Variants in TMEM65 observed in about 807,000 individuals in gnomAD.
TMEM65 encodes transmembrane protein 65.
In TMEM65, 22 loss-of-function variants were observed where a neutral mutation model predicts 25.4. The observed-to-expected ratio is 0.86, with a 90% CI of 0.62 to 1.23. The LOEUF is 1.23. TMEM65 is among the 50% of genes most tolerant of loss of function. The probability of loss-of-function intolerance (pLI) is 0.00; values close to 1 mark genes in which losing one functional copy is unlikely to be tolerated. For missense variants in TMEM65, 262 were observed against 308.2 expected (o/e 0.85, Z 1.12); for synonymous variants, 132 against 126.2 (o/e 1.05, Z -0.31).
At chr8:124,353,468 AT>A (rs1458943106) in intron 1 of TMEM65, among the ~76,000 whole-genome samples, 2 of 152,188 alleles carry the variant, frequency 1.3e-5, no homozygotes, top group Non-Finnish European at 2.9e-5. Flanking sequence ...TATAAATAAT[AT>A]AGCTTTTATA....
chr8:124,344,362 C>G (rs757927166), intron 1 of TMEM65, among the ~76,000 whole-genome samples: 11 of 152,138 alleles, frequency 7.2e-5, no homozygotes, highest in Non-Finnish European at 1.6e-4. Context: ...TGGTAAAATA[C>G]TCCTTCCCTG....
chr8:124,368,219 G>A (rs988536972), intron 1 of TMEM65, among the ~76,000 whole-genome samples: 12 of 124,782 alleles, frequency 9.6e-5, no homozygotes, highest in Middle Eastern at 5.4e-3. Flanking sequence ...CTGTCACTTC[G>A]AAGACTGCGT....
rs1361233471 is a variant in TMEM65, at chr8:124,311,762, T to C, written c.*2198A>G. 1 of 152,172 alleles carries C rather than the reference T, an allele frequency of 6.6e-6. No homozygotes were observed. The highest frequency in any genetic ancestry group is 2.4e-5 in the African/African-American group (1 of 41,460). The allele number at this position is 152,172 out of a possible 1,614,324, so 9.4% of individuals were successfully genotyped here. On this transcript the variant is annotated 3_prime_UTR_variant, in exon 7 of 7. Coordinates refer to ENST00000297632, the MANE Select transcript of TMEM65 (RefSeq NM_194291.3). ...AGGGTAGACTATGATCTTAAACATA[T>C]ACCTTCAGTTAAAGACAAATGGTCT...
intron 6 of TMEM65, among the ~76,000 whole-genome samples, chr8:124,319,625 G>T (rs758449704): frequency 1.3e-4 from 20 of 151,884 alleles, no homozygotes; most frequent in Non-Finnish European, 2.6e-4. Flanking sequence ...AATCGGCTTA[G>T]ATCTAATAAT....
rs889446410 is a variant in TMEM65 at position 124,309,570 on chromosome 8, A to C, written c.*4390T>G. On this transcript the variant is annotated 3_prime_UTR_variant, in exon 7 of 7. Coordinates refer to ENST00000297632, the MANE Select transcript of TMEM65 (RefSeq NM_194291.3). ...TATTTCACATATCTGAGATTTTCTT[A>C]ACACCAACTTTCTAGTACCTAGCAT... The C allele has an allele frequency of 1.2e-4, 19 of 152,364 alleles. No individual in the cohort carries two copies. Among genetic ancestry groups the C allele is most frequent in the African/African-American group, 4.1e-4 (17 of 41,582 alleles). 9.4% of individuals were successfully genotyped at this position (152,364 alleles called of 1,614,324 possible).
At chr8:124,354,426 C>A (rs1395572831) in intron 1 of TMEM65, among the ~76,000 whole-genome samples, 1 of 152,110 alleles carries the variant, frequency 6.6e-6, no homozygotes, top group African/African-American at 2.4e-5. Context: ...CACAGTACTC[C>A]CGTTGCAGTG....
chr8:124,363,289 A>T (rs988403518), intron 1 of TMEM65, among the ~76,000 whole-genome samples: 3 of 152,192 alleles, frequency 2.0e-5, no homozygotes, highest in African/African-American at 7.2e-5. Context: ...TAGTTTATGG[A>T]TATGTTACTA....
At chr8:124,370,090 G>A (rs997558250) in intron 1 of TMEM65, among the ~76,000 whole-genome samples, 1 of 151,974 alleles carries the variant, frequency 6.6e-6, no homozygotes, top group African/African-American at 2.4e-5. Flanking sequence ...AAAGTGCTTA[G>A]GTCCTTTTCA....
chr8:124,350,165 A>T (rs1484320465), intron 1 of TMEM65, among the ~76,000 whole-genome samples: 3 of 151,372 alleles, frequency 2.0e-5, no homozygotes, highest in Non-Finnish European at 4.4e-5. Flanking sequence ...TGTGTGTAAA[A>T]ACACTATGCC....
chr8:124,336,667 A>G (rs183116655), intron 1 of TMEM65, among the ~76,000 whole-genome samples: 20 of 152,144 alleles, frequency 1.3e-4, no homozygotes, highest in Admixed American at 1.0e-3. Flanking sequence ...TGTAGAATGC[A>G]GCTAAATGAA....
intron 1 of TMEM65, among the ~76,000 whole-genome samples, chr8:124,337,375 AAAGCCTT>A: frequency 6.6e-6 from 1 of 152,146 alleles, no homozygotes; most frequent in East Asian, 1.9e-4. Context: ...CACAGAACAA[AAAGCCTT>A]AATGGCATAA....
intron 1 of TMEM65, among the ~76,000 whole-genome samples, chr8:124,335,329 C>G (rs1476310726): frequency 1.3e-5 from 2 of 152,116 alleles, no homozygotes; most frequent in Non-Finnish European, 2.9e-5. Flanking sequence ...TGTTAACAGT[C>G]AACCTGCGAT....
At chr8:124,363,186 CAA>C (rs1015073267) in intron 1 of TMEM65, among the ~76,000 whole-genome samples, 19 of 152,022 alleles carry the variant, frequency 1.2e-4, no homozygotes, top group Non-Finnish European at 1.8e-4. Flanking sequence ...TTGCAGCATC[CAA>C]GAGAGAGATA....
intron 2 of TMEM65, among the ~76,000 whole-genome samples, chr8:124,329,996 A>G (rs1814412191): frequency 6.6e-6 from 1 of 151,932 alleles, no homozygotes; most frequent in African/African-American, 2.4e-5. Context: ...ATAACTGGCC[A>G]TTAGGTTTTT....
Position 124,351,435 on chromosome 8 carries a change from A to G in TMEM65, c.304+20419T>C, listed in dbSNP as rs550774351. On this transcript the variant is annotated intron_variant, in intron 1 of 6. Coordinates refer to ENST00000297632, the MANE Select transcript of TMEM65 (RefSeq NM_194291.3). ...ATAGTAAAACTAATGTTTATTTAGT[A>G]TACTTTAAAACATTAGAAACGCTGA... Among the ~76,000 whole-genome samples, 8 of 152,306 alleles carry G rather than the reference A, an allele frequency of 5.3e-5. No homozygotes were observed. The South Asian group carries it at 1.0e-3, about 20-fold the overall frequency.
At chr8:124,348,413 G>A (rs1487547084) in intron 1 of TMEM65, among the ~76,000 whole-genome samples, 1 of 151,738 alleles carries the variant, frequency 6.6e-6, no homozygotes, top group African/African-American at 2.4e-5. Flanking sequence ...GCCTATGGAA[G>A]ATAAAGAAAA....
chr8:124,324,817 T>C (rs983510970), intron 3 of TMEM65, among the ~76,000 whole-genome samples: 1 of 152,034 alleles, frequency 6.6e-6, no homozygotes, highest in Non-Finnish European at 1.5e-5. Context: ...CATAGTTACA[T>C]CAAATTTTGT....
chr8:124,347,059 A>G (rs920402941), intron 1 of TMEM65, among the ~76,000 whole-genome samples: 1 of 152,232 alleles, frequency 6.6e-6, no homozygotes, highest in African/African-American at 2.4e-5. Context: ...ATAAAGCAAC[A>G]CAGCAGTGTT....
intron 1 of TMEM65, among the ~76,000 whole-genome samples, chr8:124,367,029 T>TA (rs1365349281): frequency 6.6e-6 from 1 of 152,198 alleles, no homozygotes; most frequent in East Asian, 1.9e-4. Context: ...GGGCTATACT[T>TA]CCCTTATTCC....
Sources: allele counts gnomAD v4.1 joint callset (sites outside exome capture counted in the v4.1 genomes callset), GRCh38; gene constraint gnomAD v4.1.1; transcripts MANE v1.5; gene names NCBI Gene and HGNC (gene_info 2026-07-23, HGNC 2026-07-21).